PLXDC2: variants seen among roughly 807,000 people sequenced by gnomAD.
The protein encoded by PLXDC2 is plexin domain containing 2.
A neutral mutation model predicts 68.9 loss-of-function variants in PLXDC2; 40 were observed. The ratio of observed to expected loss-of-function variants is 0.58; its 90% CI spans 0.45 to 0.76. PLXDC2 has a LOEUF of 0.76. PLXDC2 is among the 30% of genes least tolerant of loss of function. PLXDC2 has a pLI of 0.00. For synonymous variants in PLXDC2, 243 were observed against 234.2 expected, an observed-to-expected ratio of 1.04 and a Z score of -0.34; for missense variants, 644 against 661.9, an observed-to-expected ratio of 0.97 and a Z score of 0.30.
rs574980411 is a variant in PLXDC2, at chr10:20,196,943, G to A, written c.1062-14726G>A. 2.0e-5 allele frequency among the ~76,000 whole-genome samples: 3 copies of A among 152,144 alleles called. No individual in the cohort carries two copies. In the South Asian group the frequency reaches 6.2e-4, roughly 32 times the overall value. ...TTAATTCACGGCTAGAGGCTCCATT[G>A]TTCTTAGTGCCTGCACTTGAAAAGA... On this transcript the variant is annotated intron_variant, in intron 9 of 13. Transcript: ENST00000377252.
At chr10:20,260,969 C>T (rs763013288) in intron 13 of PLXDC2, among the ~76,000 whole-genome samples, 7 of 152,270 alleles carry the variant, frequency 4.6e-5, no homozygotes, top group Admixed American at 2.0e-4. Context: ...TTTTCATACA[C>T]CTGTTGCCAT....
At chr10:19,836,548 A>G (rs1187008452) in intron 1 of PLXDC2, among the ~76,000 whole-genome samples, 1 of 152,234 alleles carries the variant, frequency 6.6e-6, no homozygotes, top group Non-Finnish European at 1.5e-5. Context: ...AATCACTCAA[A>G]TAGAATCAAG....
At chr10:19,893,394 G>A (rs948752646) in intron 1 of PLXDC2, among the ~76,000 whole-genome samples, 4 of 152,172 alleles carry the variant, frequency 2.6e-5, no homozygotes, top group Admixed American at 6.5e-5. Flanking sequence ...TTATAATAAA[G>A]TAGTCTGTGG....
At chr10:20,146,455 C>G (rs142769301) in intron 5 of PLXDC2, among the ~76,000 whole-genome samples, 1 of 139,424 alleles carries the variant, frequency 7.2e-6, no homozygotes, top group East Asian at 2.1e-4. Flanking sequence ...TCCTTTCTTC[C>G]TTCCTTCCTT....
chr10:20,202,574 TA>T (rs148133875), intron 9 of PLXDC2, among the ~76,000 whole-genome samples: 28,947 of 152,018 alleles, frequency 0.19, 3,410 homozygotes, highest in East Asian at 0.4. Flanking sequence ...TTGCACCATT[TA>T]AAACTCCCTT....
intron 7 of PLXDC2, among the ~76,000 whole-genome samples, chr10:20,170,158 A>G (rs1834427889): frequency 6.6e-6 from 1 of 152,176 alleles, no homozygotes; most frequent in Non-Finnish European, 1.5e-5. Context: ...ATTTTGCTGT[A>G]TGTGGTCTCT....
rs182612966 is a variant in PLXDC2, at chr10:20,015,735, C to T, written c.324+13749C>T. On this transcript the variant is annotated intron_variant, in intron 2 of 13. Transcript: ENST00000377252. ...ATTATGAAAAGATAGAGAGAGGATA[C>T]GATGGTGAACCCAACATTCTGGGCA... is the stretch of plus-strand genomic sequence containing the variant. 9.5e-4 allele frequency among the ~76,000 whole-genome samples: 144 copies of T among 152,122 alleles called. 1 individual carries two copies. The highest frequency in any genetic ancestry group is 3.0e-3 in the African/African-American group (123 of 41,488).
chr10:20,049,590 G>A (rs1454173871), intron 3 of PLXDC2, among the ~76,000 whole-genome samples: 17 of 151,758 alleles, frequency 1.1e-4, no homozygotes, highest in Admixed American at 1.1e-3. Context: ...GTCAAATCGG[G>A]AAGGCAATCT....
chr10:20,049,257 C>T (rs759061444), intron 3 of PLXDC2, among the ~76,000 whole-genome samples: 2 of 152,068 alleles, frequency 1.3e-5, no homozygotes, highest in Non-Finnish European at 2.9e-5. Context: ...TAACATTATA[C>T]CGAATGGGCA....
chr10:20,148,038 T>TA, intron 6 of PLXDC2, 136 bp downstream of exon 6: 2 of 647,788 alleles, frequency 3.1e-6, no homozygotes, highest in East Asian at 5.5e-5. Flanking sequence ...CTTTGCTTAA[T>TA]AAAAAATGTT....
chr10:19,921,539 G>A (rs963225090), intron 1 of PLXDC2, among the ~76,000 whole-genome samples: 5 of 152,188 alleles, frequency 3.3e-5, no homozygotes, highest in African/African-American at 1.2e-4. Flanking sequence ...AACTGACTTA[G>A]ACCATGCATC....
In PLXDC2 at chr10:19,904,266, G is replaced by C. The variant is rs1402288384; in HGVS notation, c.112+87075G>C. Among the ~76,000 whole-genome samples the C allele has an allele frequency of 4.6e-5, 7 of 152,118 alleles. No individual in the cohort carries two copies. The East Asian group carries it at 1.3e-3, about 29-fold the overall frequency. On this transcript the variant is annotated intron_variant, in intron 1 of 13. Coordinates refer to ENST00000377252, the MANE Select transcript of PLXDC2 (RefSeq NM_032812.9). ...ACTTTCTGTCTTGATGACCTGTCTA[G>C]TGCAGTCAGTGGAGCATTACGTCCC... is the stretch of plus-strand genomic sequence containing the variant.
intron 1 of PLXDC2, among the ~76,000 whole-genome samples, chr10:19,890,644 G>A (rs1395232474): frequency 2.1e-5 from 3 of 139,852 alleles, no homozygotes; most frequent in Non-Finnish European, 4.6e-5. Flanking sequence ...CAAAGTGCTG[G>A]GATTACAGGC....
chr10:20,274,343 C>T (rs1055708012), intron 13 of PLXDC2, among the ~76,000 whole-genome samples: 2 of 152,132 alleles, frequency 1.3e-5, no homozygotes, highest in African/African-American at 2.4e-5. Context: ...TTTGGAAAAT[C>T]ACACAAATTG....
chr10:20,013,119 A>C (rs1388233603), intron 2 of PLXDC2, among the ~76,000 whole-genome samples: 1 of 152,194 alleles, frequency 6.6e-6, no homozygotes. Context: ...ATAAATCATT[A>C]ATATTCACCT....
intron 2 of PLXDC2, among the ~76,000 whole-genome samples, chr10:20,003,620 C>T (rs554396387): frequency 1.3e-4 from 20 of 152,108 alleles, no homozygotes; most frequent in Admixed American, 3.9e-4. Context: ...TTAGTAAGGA[C>T]GGGGTTTCAC....
intron 1 of PLXDC2, among the ~76,000 whole-genome samples, chr10:19,888,252 A>C (rs1837885165): frequency 6.6e-6 from 1 of 152,224 alleles, no homozygotes; most frequent in Admixed American, 6.5e-5. Flanking sequence ...AAGGTGATAG[A>C]AATTTCACTC....
intron 1 of PLXDC2, among the ~76,000 whole-genome samples, chr10:19,898,395 G>A (rs78557708): frequency 0.014 from 2,159 of 152,210 alleles, 148 homozygotes; most frequent in Admixed American, 0.1. Context: ...CTGCACTTAC[G>A]AATTTTACAC....
intron 12 of PLXDC2, among the ~76,000 whole-genome samples, chr10:20,242,537 G>T (rs1443406833): frequency 6.6e-6 from 1 of 152,048 alleles, no homozygotes; most frequent in Non-Finnish European, 1.5e-5. Context: ...ATTTTTATTG[G>T]CAATGTGGTC....
Sources: allele counts gnomAD v4.1 joint callset (sites outside exome capture counted in the v4.1 genomes callset), GRCh38; gene constraint gnomAD v4.1.1; transcripts MANE v1.5; gene names NCBI Gene and HGNC (gene_info 2026-07-23, HGNC 2026-07-21).